EPB42: variants seen among roughly 807,000 people sequenced by gnomAD.
EPB42 encodes the protein protein 4.2.
EPB42 carries 49 observed loss-of-function variants against 76.9 expected under a neutral mutation model. That is an observed-to-expected ratio of 0.64 (90% CI 0.51 to 0.81). EPB42 has a LOEUF of 0.81. EPB42 is among the 30% of genes least tolerant of loss of function. EPB42 has a pLI of 0.00. For missense variants in EPB42, 731 were observed against 867.6 expected (o/e 0.84, Z 1.98); for synonymous variants, 310 against 338.4 (o/e 0.92, Z 0.92).
In EPB42 at chr15:43,206,954, A is replaced by G. The variant is rs965422795; in HGVS notation, c.1318+245T>C. 6.6e-6 allele frequency among the ~76,000 whole-genome samples: 1 copy of G among 152,196 alleles called. No individual in the cohort carries two copies. The highest frequency in any genetic ancestry group is 1.9e-4 in the East Asian group (1 of 5,194). ...GTTTTGCAGGGAACTGAATTTTCCT[A>G]TGTGAAAGAATTTAGACTTCCTCTG... On this transcript the variant is annotated intron_variant, in intron 9 of 12. Transcript: ENST00000441366. This position sits in a 1 kb window ranked among gnomAD's most constrained non-coding sequence, Gnocchi z 4.7.
At chr15:43,212,097 G>A (rs895031974) in intron 3 of EPB42, among the ~76,000 whole-genome samples, 2 of 152,006 alleles carry the variant, frequency 1.3e-5, no homozygotes, top group Non-Finnish European at 1.5e-5. Flanking sequence ...GCCAGGCGTG[G>A]TGGCTCACGC....
At chr15:43,223,662 A>T (rs2042481899), upstream of EPB42, among the ~76,000 whole-genome samples, 1 of 152,162 alleles carries the variant, frequency 6.6e-6, no homozygotes, top group Admixed American at 6.5e-5. Context: ...CTCTTATAAT[A>T]CTAGTGGGAG....
At chr15:43,223,805 C>G (rs1244252532), upstream of EPB42, among the ~76,000 whole-genome samples, 1 of 152,138 alleles carries the variant, frequency 6.6e-6, no homozygotes, top group Non-Finnish European at 1.5e-5. Context: ...GAAAACCAAT[C>G]TCTACTAAAA....
At chr15:43,210,624 T>G (rs1382120906) in intron 4 of EPB42, among the ~76,000 whole-genome samples, 185 bp from the exon 5 acceptor site, 2 of 152,088 alleles carry the variant, frequency 1.3e-5, no homozygotes, top group African/African-American at 4.8e-5. Flanking sequence ...CCCCAACCTC[T>G]CAATGGGACC....
Position 43,203,153 on chromosome 15 carries a change from C to A in EPB42, c.1741G>T (p.Glu581Ter), listed in dbSNP as rs1567272101. The change falls in exon 11 of 13, where the codon GAA (glutamate) becomes TAA (stop). Residue 581 changes from glutamate (E) to a stop codon, truncating the protein, a stop_gained. Transcript: ENST00000441366. LOFTEE classifies it high-confidence loss of function. ...TGTGGTCTACAAATGGCAATGTCTTCCTGAGCAAAGCAGCTAAGGTTGGAT... is the reference window on the plus strand; with the variant it reads ...TGTGGTCTACAAATGGCAATGTCTTACTGAGCAAAGCAGCTAAGGTTGGAT... ...SESNLSCFAQ[E>*]DIAICRPHLA... The A allele has an allele frequency of 1.9e-6, 3 of 1,614,020 alleles. No individual in the cohort carries two copies. The African/African-American group carries it at 4.0e-5, about 22-fold the overall frequency.
In EPB42 at chr15:43,209,296, C is replaced by A; in HGVS notation, c.810G>T (p.Val270=). ...AACCTGTGCAAGCAACAGCAGCCAA[C>A]ACCCAGGCCTGGCCATCATACACAG... ...GRPVYDGQAW[V]LAAVACTVLR... The change falls in exon 6 of 13, where the codon GTG becomes GTT. Residue 270 remains valine (V), a synonymous_variant. Coordinates refer to ENST00000441366, the MANE Select transcript of EPB42 (RefSeq NM_001114134.2). 1 of 1,614,152 alleles carries A rather than the reference C, an allele frequency of 6.2e-7. No individual in the cohort carries two copies. The highest frequency in any genetic ancestry group is 8.5e-7 in the Non-Finnish European group (1 of 1,180,038).
chr15:43,212,300 C>T (rs1055470526), intron 3 of EPB42, among the ~76,000 whole-genome samples: 13 of 140,288 alleles, frequency 9.3e-5, no homozygotes, highest in African/African-American at 3.5e-4. Context: ...ATCCAGGAGG[C>T]GGAGGCTGCA....
chr15:43,210,942 G>A (rs963230862), intron 4 of EPB42, among the ~76,000 whole-genome samples: 1 of 152,154 alleles, frequency 6.6e-6, no homozygotes, highest in Admixed American at 6.5e-5. Flanking sequence ...GCACAGTGGA[G>A]AGGCTCCCCC....
chr15:43,213,180 T>C (rs935330029), intron 3 of EPB42, among the ~76,000 whole-genome samples: 6 of 152,192 alleles, frequency 3.9e-5, no homozygotes, highest in African/African-American at 7.2e-5. Flanking sequence ...CCCCAGGATC[T>C]ACAGGGCTCT....
At chr15:43,221,119 C>G (rs1481252755), upstream of EPB42, 2 of 446,106 alleles carry the variant, frequency 4.5e-6, no homozygotes, top group Non-Finnish European at 8.3e-6. Context: ...GCCTGGCAGC[C>G]CTGGGGGAGG....
chr15:43,215,696 T>TTTTC (rs769936626), intron 2 of EPB42, among the ~76,000 whole-genome samples: 1 of 152,190 alleles, frequency 6.6e-6, no homozygotes, highest in Non-Finnish European at 1.5e-5. Flanking sequence ...AGAATTTTCT[T>TTTTC]TTTCTTTCTT....
At chr15:43,211,386 A>T in intron 4 of EPB42, 30 bp downstream of exon 4, 1 of 1,367,738 alleles carries the variant, frequency 7.3e-7, no homozygotes, top group Non-Finnish European at 1.0e-6. Context: ...CAGTCACTCT[A>T]CACACTCCTC....
chr15:43,225,388 A>C (rs932597786), upstream of EPB42, among the ~76,000 whole-genome samples: 3 of 152,316 alleles, frequency 2.0e-5, no homozygotes, highest in African/African-American at 7.2e-5. Flanking sequence ...CCCCTTACCT[A>C]GGAGAGCAAT....
intron 1 of EPB42, chr15:43,220,581 C>A: frequency 1.2e-6 from 1 of 804,320 alleles, no homozygotes; most frequent in South Asian, 1.5e-5. Context: ...CCGCCTCCAC[C>A]AGCACCCATC....
At chr15:43,214,141 C>A (rs1425550700) in intron 3 of EPB42, among the ~76,000 whole-genome samples, 1 of 152,238 alleles carries the variant, frequency 6.6e-6, no homozygotes, top group South Asian at 2.1e-4. Flanking sequence ...ATTCTCCCAA[C>A]AAACCCTTCA....
chr15:43,212,281 A>G (rs1353533177), intron 3 of EPB42, among the ~76,000 whole-genome samples: 2 of 151,766 alleles, frequency 1.3e-5, no homozygotes, highest in African/African-American at 4.8e-5. Flanking sequence ...AGGCAGAAGA[A>G]TCTCTTGAAT....
chr15:43,204,168 G>T (rs2042166943), intron 10 of EPB42, among the ~76,000 whole-genome samples: 1 of 152,100 alleles, frequency 6.6e-6, no homozygotes, highest in African/African-American at 2.4e-5. Context: ...CCTTCCCAAC[G>T]CAATTGGCTT....
chr15:43,208,655 C>A lies in EPB42; in HGVS notation c.953G>T (p.Gly318Val), dbSNP rs143974871. The A allele has an allele frequency of 8.2e-5, 133 of 1,614,158 alleles. No homozygotes were observed. In the African/African-American group the frequency reaches 1.5e-3, roughly 18 times the overall value. ...YNEEGLQNGEGQRGRIWIFQT... is the reference protein window; with the variant it reads ...YNEEGLQNGEVQRGRIWIFQT... ...TTCTCACCAGATTCTGCCTCTCTGGCCTTCTCCGTTCTGAAGTCCCTCCTC... is the reference window on the plus strand; with the variant it reads ...TTCTCACCAGATTCTGCCTCTCTGGACTTCTCCGTTCTGAAGTCCCTCCTC... The change falls in exon 7 of 13, where the codon GGC becomes GTC. Residue 318 changes from glycine to valine, a missense_variant. Gly to Val is a moderately radical substitution (Grantham distance 109). Transcript: ENST00000441366.
intron 12 of EPB42, among the ~76,000 whole-genome samples, chr15:43,197,694 A>C (rs1190876224): frequency 3.3e-5 from 5 of 152,212 alleles, no homozygotes; most frequent in Admixed American, 2.0e-4. Flanking sequence ...TCCAAGCTAC[A>C]TCTGTTGTTC....
Sources: allele counts gnomAD v4.1 joint callset (sites outside exome capture counted in the v4.1 genomes callset), GRCh38; gene constraint gnomAD v4.1.1; non-coding constraint Gnocchi (gnomAD v3.1); transcripts MANE v1.5; gene names NCBI Gene and HGNC (gene_info 2026-07-23, HGNC 2026-07-21).